Variants in ZC3H4 observed in about 807,000 individuals in gnomAD.
ZC3H4 encodes zinc finger CCCH-type containing 4, also known as zinc finger CCCH domain-containing protein 4.
ZC3H4 carries 13 observed loss-of-function variants against 108.3 expected under a neutral mutation model. The observed-to-expected ratio is 0.12, with a 90% confidence interval of 0.08 to 0.19. The LOEUF is 0.19. Among genes scored for constraint, ZC3H4 ranks in the 10% least tolerant of loss-of-function variants. The pLI is 1.00. For synonymous variants in ZC3H4, 917 were observed against 749.6 expected (o/e 1.22, Z -3.65); for missense variants, 1,734 against 1,838.8 (o/e 0.94, Z 1.04).
intron 4 of ZC3H4, among the ~76,000 whole-genome samples, chr19:47,093,143 G>A (rs1267209510): frequency 6.8e-6 from 1 of 146,934 alleles, no homozygotes; most frequent in Admixed American, 6.9e-5. Flanking sequence ...GCGACCCCAG[G>A]AGACAGAGCT....
intron 2 of ZC3H4, among the ~76,000 whole-genome samples, chr19:47,101,802 C>G (rs1474651837): frequency 2.0e-5 from 3 of 149,332 alleles, no homozygotes; most frequent in Admixed American, 1.3e-4. Context: ...ACCTGGGAGG[C>G]AGAGGTTGCA....
At chr19:47,112,642 G>A (rs2058055654) in intron 1 of ZC3H4, 53 bp from the exon 2 acceptor site, 3 of 1,197,250 alleles carry the variant, frequency 2.5e-6, no homozygotes, top group Non-Finnish European at 2.1e-6. Flanking sequence ...TGGGCGTGGC[G>A]GGAGGGGCAC....
chr19:47,068,779 T>A (rs1455416789), intron 14 of ZC3H4, among the ~76,000 whole-genome samples: 2 of 152,096 alleles, frequency 1.3e-5, no homozygotes, highest in Non-Finnish European at 2.9e-5. Flanking sequence ...GCTGTGAGGG[T>A]CTCCCTAAAG....
Position 47,072,089 on chromosome 19 carries a change from A to G in ZC3H4, c.1835T>C (p.Met612Thr), listed in dbSNP as rs1313472782. Residue 612 changes from methionine to threonine, a missense_variant, in exon 13 of 15, where the codon ATG becomes ACG. This residue lies in a region of ZC3H4 where 540 missense variants were observed against 484.1 expected (regional missense o/e 1.12). Transcript: ENST00000253048. This position sits in a 1 kb window ranked among gnomAD's most constrained non-coding sequence, Gnocchi z 5.6. ...FPGPGGPPGP[M>T]GPGPNMGPPG... ...GGGTCCCATGTTGGGCCCAGGGCCCATTGGCCCTGGGGGTCCACCGGGTCC... is the reference window on the plus strand; with the variant it reads ...GGGTCCCATGTTGGGCCCAGGGCCCGTTGGCCCTGGGGGTCCACCGGGTCC... 6.4e-6 allele frequency: 10 copies of G among 1,560,610 alleles called. 1 individual carries two copies. Among genetic ancestry groups the G allele is most frequent in the Admixed American group, 6.2e-5 (3 of 48,526 alleles).
At chr19:47,098,503 A>AC (rs1568563498) in intron 2 of ZC3H4, among the ~76,000 whole-genome samples, 1 of 149,282 alleles carries the variant, frequency 6.7e-6, no homozygotes, top group Non-Finnish European at 1.5e-5. Context: ...AAAAAAAAAA[A>AC]AACTAATCCC....
At chr19:47,110,749 C>T in intron 2 of ZC3H4, 1 of 278,438 alleles carries the variant, frequency 3.6e-6, no homozygotes, top group Non-Finnish European at 5.4e-6. Flanking sequence ...AGAGGGGGCC[C>T]GGAAGCCCAA....
chr19:47,079,831 G>C (rs1027884669), intron 11 of ZC3H4, among the ~76,000 whole-genome samples: 3 of 152,206 alleles, frequency 2.0e-5, no homozygotes, highest in Admixed American at 6.5e-5. Context: ...AGGTTGCAGG[G>C]AGCCGAGATT....
intron 14 of ZC3H4, 119 bp downstream of exon 14, chr19:47,068,973 G>A: frequency 1.3e-6 from 2 of 1,545,168 alleles, no homozygotes; most frequent in Non-Finnish European, 1.7e-6. Flanking sequence ...CTGGACAGGG[G>A]TCCTCCCTAG....
intron 2 of ZC3H4, among the ~76,000 whole-genome samples, chr19:47,097,202 C>A (rs1432205317): frequency 1.3e-5 from 2 of 152,242 alleles, no homozygotes; most frequent in East Asian, 3.8e-4. Context: ...CAGCTCCAGG[C>A]ACATCTGGGC....
intron 1 of ZC3H4, among the ~76,000 whole-genome samples, chr19:47,112,986 T>A (rs1479107159): frequency 6.7e-6 from 1 of 149,142 alleles, no homozygotes. Flanking sequence ...GGGTGGGGGG[T>A]TAAAAAGAAA....
At chr19:47,085,244 C>T (rs375389566) in intron 7 of ZC3H4, 49 bp from the exon 8 acceptor site, 117 of 1,575,788 alleles carry the variant, frequency 7.4e-5, no homozygotes, top group Non-Finnish European at 8.9e-5. Flanking sequence ...CCCTCCCCCA[C>T]CCCCAGGACT....
Position 47,084,446 on chromosome 19 carries a change from C to G in ZC3H4, c.1117G>C (p.Gly373Arg). ...FYDEDMGDGGGGSYRSRDHDK... is the reference protein window; with the variant it reads ...FYDEDMGDGGRGSYRSRDHDK... The stretch of plus-strand genomic sequence containing the variant: ...TGGTCACGACTCCGGTAGCTTCCAC[C>G]ACCACCGTCCTGCAATGGACAGGGT... Residue 373 changes from glycine to arginine, a missense_variant, in exon 9 of 15, where the codon GGT becomes CGT. Gly to Arg is a moderately radical substitution (Grantham distance 125). This residue lies in a region of ZC3H4 where 403 missense variants were observed against 457.0 expected (regional missense o/e 0.88). Coordinates refer to ENST00000253048, the MANE Select transcript of ZC3H4 (RefSeq NM_015168.2). 1.9e-6 allele frequency: 3 copies of G among 1,614,188 alleles called. No individual in the cohort carries two copies. Among genetic ancestry groups the G allele is most frequent in the Non-Finnish European group, 2.5e-6 (3 of 1,180,038 alleles).
chr19:47,070,061 G>A (rs2057298389), intron 13 of ZC3H4, among the ~76,000 whole-genome samples: 1 of 152,192 alleles, frequency 6.6e-6, no homozygotes, highest in Non-Finnish European at 1.5e-5. Flanking sequence ...GGGGAGGGCA[G>A]GCTCGGCGAC....
Position 47,067,126 on chromosome 19 carries a change from G to A in ZC3H4, c.3142C>T (p.Arg1048Cys), listed in dbSNP as rs747686604. 6 of 1,612,038 alleles carry A rather than the reference G, an allele frequency of 3.7e-6. No homozygotes were observed. The highest frequency in any genetic ancestry group is 2.2e-5 in the South Asian group (2 of 90,852). ...GTGGCATTGACTGTCTTGAGGATGC[G>A]AGACAGAAGTTCAAAGTCGGGGAGG... is the stretch of plus-strand genomic sequence containing the variant. ...ANLPDFELLS[R>C]ILKTVNATGS... Residue 1048 changes from arginine to cysteine, a missense_variant, in exon 15 of 15, where the codon CGC becomes TGC. By Grantham distance (180) the Arg-to-Cys change is radical. Around this residue, in one of 9 missense-constraint regions of ZC3H4, gnomAD observed 518 missense variants for 499.6 expected, o/e 1.04. Coordinates refer to ENST00000253048, the MANE Select transcript of ZC3H4 (RefSeq NM_015168.2). The surrounding 1 kb of genome is among the most constrained non-coding windows in gnomAD (Gnocchi z 6.4).
chr19:47,065,421 G>A lies in ZC3H4; in HGVS notation c.*935C>T, dbSNP rs866150641. 2.0e-5 allele frequency: 3 copies of A among 152,904 alleles called. No homozygotes were observed. The highest frequency in any genetic ancestry group is 2.1e-4 in the South Asian group (1 of 4,834). 9.5% of individuals were successfully genotyped at this position (152,904 alleles called of 1,614,324 possible). A position where few individuals can be genotyped will look rare whatever the true frequency, so the allele number is the denominator to read the frequency against. ...GGGCCTGGCGGCGCAGCCACTGCAC[G>A]GATCCTGGAGCTGTCCGGGGCTGGG... is the stretch of plus-strand genomic sequence containing the variant. On this transcript the variant is annotated 3_prime_UTR_variant, in exon 15 of 15. Transcript: ENST00000253048.
At chr19:47,070,993 C>T (rs912584875) in intron 13 of ZC3H4, among the ~76,000 whole-genome samples, 3 of 152,316 alleles carry the variant, frequency 2.0e-5, no homozygotes, top group East Asian at 1.9e-4. Context: ...TTCAACACAG[C>T]GCCCCCACCC....
intron 5 of ZC3H4, among the ~76,000 whole-genome samples, chr19:47,087,969 C>G (rs566547527): frequency 1.3e-5 from 2 of 151,330 alleles, no homozygotes; most frequent in African/African-American, 4.9e-5. Context: ...GTCAGGAGAT[C>G]GAGACCATCC....
chr19:47,103,783 A>C (rs1401716996), intron 2 of ZC3H4, among the ~76,000 whole-genome samples: 2 of 135,758 alleles, frequency 1.5e-5, no homozygotes, highest in Admixed American at 7.5e-5. Context: ...AAAAAAAAAA[A>C]CTACAAAAAA....
intron 10 of ZC3H4, 34 bp from the exon 11 acceptor site, chr19:47,081,656 A>G (rs1568544726): frequency 6.4e-7 from 1 of 1,562,226 alleles, no homozygotes; most frequent in Non-Finnish European, 8.8e-7. Context: ...GCTTCATCTC[A>G]CAGAACGCCC....
Sources: allele counts gnomAD v4.1 joint callset (sites outside exome capture counted in the v4.1 genomes callset), GRCh38; gene constraint gnomAD v4.1.1; regional missense constraint gnomAD v4.1.1; non-coding constraint Gnocchi (gnomAD v3.1); transcripts MANE v1.5; gene names NCBI Gene and HGNC (gene_info 2026-07-23, HGNC 2026-07-21).